The following FAM169A variants were observed in gnomAD, a reference collection of about 807,000 sequenced individuals.
The protein encoded by FAM169A is soluble lamin-associated protein of 75 kDa.
In FAM169A, 24 loss-of-function variants were observed where a neutral mutation model predicts 75.7. That is an observed-to-expected ratio of 0.32 (90% confidence interval 0.23 to 0.45). FAM169A has a LOEUF of 0.45. Ranked by LOEUF, FAM169A falls within the 20% of genes least tolerant of loss-of-function variation. FAM169A has a pLI of 1.00. For synonymous variants in FAM169A, 271 were observed against 271.0 expected (o/e 1.00, Z 0.00); for missense variants, 673 against 784.0 (o/e 0.86, Z 1.69).
intron 3 of FAM169A, 56 bp downstream of exon 3, chr5:74,840,018 T>A: frequency 4.5e-6 from 4 of 897,386 alleles, no homozygotes; most frequent in Non-Finnish European, 7.0e-6. Context: ...TTTAAATAAA[T>A]TTCTAACAGT....
Position 74,834,512 on chromosome 5 carries a change from G to T in FAM169A, c.404C>A (p.Pro135Gln). The change falls in exon 5 of 13, where the codon CCA (proline) becomes CAA (glutamine). Residue 135 changes from proline (P) to glutamine (Q), a missense_variant. Around this residue, in one of 3 missense-constraint regions of FAM169A, gnomAD observed 107 missense variants for 180.8 expected, o/e 0.59. Coordinates refer to ENST00000687041, the MANE Select transcript of FAM169A (RefSeq NM_001376049.1). ...RKQEMERNEI[P>Q]FLCHSSTDYA... ...ATCAGTACTGCTATGACACAGGAAT[G>T]GGATCTCATTTCTCTCCATTTCCTG... 2 of 1,603,054 alleles carry T rather than the reference G, an allele frequency of 1.2e-6. No individual in the cohort carries two copies. Among genetic ancestry groups the T allele is most frequent in the Non-Finnish European group, 1.7e-6 (2 of 1,175,016 alleles).
intron 1 of FAM169A, among the ~76,000 whole-genome samples, chr5:74,856,198 T>C (rs1347202321): frequency 6.6e-6 from 1 of 152,246 alleles, no homozygotes; most frequent in Non-Finnish European, 1.5e-5. Context: ...TGTAGTATAA[T>C]CTGAGGTCAG....
At chr5:74,813,048 G>C (rs1461731928) in intron 6 of FAM169A, among the ~76,000 whole-genome samples, 3 of 152,188 alleles carry the variant, frequency 2.0e-5, no homozygotes, top group African/African-American at 7.2e-5. Context: ...CATGCTAAGT[G>C]AAAGAAGCCA....
chr5:74,837,878 GA>G (rs1438780357), intron 4 of FAM169A, among the ~76,000 whole-genome samples: 2 of 152,028 alleles, frequency 1.3e-5, no homozygotes, highest in Non-Finnish European at 2.9e-5. Flanking sequence ...AGCACTTTGG[GA>G]GGCTGAGGCG....
chr5:74,855,654 T>C (rs577480030), intron 1 of FAM169A, among the ~76,000 whole-genome samples: 28 of 152,358 alleles, frequency 1.8e-4, no homozygotes, highest in African/African-American at 6.7e-4. Flanking sequence ...AACTATTGAG[T>C]TGTCTGAGTT....
chr5:74,801,342 G>A (rs1056712174), intron 9 of FAM169A, among the ~76,000 whole-genome samples: 4 of 152,014 alleles, frequency 2.6e-5, no homozygotes, highest in Admixed American at 6.6e-5. Flanking sequence ...AATAAACAAC[G>A]TAGACATTAC....
Position 74,805,217 on chromosome 5 carries a change from T to C in FAM169A, c.738A>G (p.Gly246=). The part of the protein sequence containing the change: ...HELLWEVEGV[G]HWYQRIPVTR... ...TGACTGGTATTCGCTGGTACCAGTG[T>C]CCAACACCTTCAACTTCCCAAAGGA... The change falls in exon 7 of 13, where the codon GGA becomes GGG. Residue 246 remains glycine, a synonymous_variant. Transcript: ENST00000687041. 1 of 1,612,736 alleles carries C rather than the reference T, an allele frequency of 6.2e-7. No homozygotes were observed. Among genetic ancestry groups the C allele is most frequent in the Non-Finnish European group, 8.5e-7 (1 of 1,178,770 alleles).
intron 11 of FAM169A, among the ~76,000 whole-genome samples, chr5:74,785,183 G>C (rs921894841): frequency 6.6e-6 from 1 of 152,040 alleles, no homozygotes; most frequent in Non-Finnish European, 1.5e-5. Flanking sequence ...GCTGGGCATG[G>C]TGGCAGGCGC....
chr5:74,838,305 C>T (rs1222385320), intron 4 of FAM169A, among the ~76,000 whole-genome samples: 1 of 152,184 alleles, frequency 6.6e-6, no homozygotes, highest in Admixed American at 6.5e-5. Context: ...TATTATAAAT[C>T]TCACTCTTCC....
At chr5:74,853,329 T>C (rs1319196108) in intron 1 of FAM169A, among the ~76,000 whole-genome samples, 2 of 152,202 alleles carry the variant, frequency 1.3e-5, no homozygotes, top group African/African-American at 4.8e-5. Flanking sequence ...GCACCTCGCA[T>C]TGTGTTGAAA....
chr5:74,852,169 G>A (rs1346458785), intron 1 of FAM169A, among the ~76,000 whole-genome samples: 1 of 152,164 alleles, frequency 6.6e-6, no homozygotes, highest in African/African-American at 2.4e-5. Context: ...AAACTCCCTA[G>A]TATTTTCACT....
intron 11 of FAM169A, among the ~76,000 whole-genome samples, chr5:74,784,733 A>G (rs1039486460): frequency 6.6e-6 from 1 of 150,708 alleles, no homozygotes; most frequent in Non-Finnish European, 1.5e-5. Flanking sequence ...CCTGGCTAAC[A>G]TGGTGAAACT....
At chr5:74,824,675 C>T (rs1251727636) in intron 5 of FAM169A, among the ~76,000 whole-genome samples, 2 of 147,790 alleles carry the variant, frequency 1.4e-5, no homozygotes, top group Non-Finnish European at 3.0e-5. Context: ...AAAAAAAAAG[C>T]AGCTCTGTGA....
intron 9 of FAM169A, 131 bp downstream of exon 9, chr5:74,801,459 A>G (rs1349921660): frequency 4.0e-6 from 3 of 751,080 alleles, no homozygotes. Context: ...ACCCAGATCT[A>G]GATTTTAGAG....
intron 5 of FAM169A, among the ~76,000 whole-genome samples, chr5:74,831,355 T>C (rs1274628916): frequency 6.6e-6 from 1 of 152,204 alleles, no homozygotes; most frequent in Non-Finnish European, 1.5e-5. Flanking sequence ...AAAGAATAGA[T>C]TGACTTGTCT....
chr5:74,794,778 CAAA>C (rs980861741), intron 11 of FAM169A, among the ~76,000 whole-genome samples: 6 of 65,754 alleles, frequency 9.1e-5, no homozygotes, highest in Non-Finnish European at 6.7e-5. Flanking sequence ...AACTCCGTCT[CAAA>C]AAAAAAAAAA....
chr5:74,857,571 G>GAAAAAA lies in FAM169A; in HGVS notation c.-4+8593_-4+8594insTTTTTT, dbSNP rs1561328873. On this transcript the variant is annotated intron_variant, in intron 1 of 12. Transcript: ENST00000687041. ...GGTGACAGAGCCAGACCTTGCCGCG[G>GAAAAAA]GAAAAAAAAAAAAAAAAAAAAAAAA... Among the ~76,000 whole-genome samples, 78 of 65,726 alleles carry GAAAAAA rather than the reference G, an allele frequency of 1.2e-3. 9 individuals carry two copies. The highest frequency in any genetic ancestry group is 3.8e-3 in the African/African-American group (61 of 15,898). 43.1% of individuals were successfully genotyped at this position (65,726 alleles called of 152,430 possible). A position where few individuals can be genotyped will look rare whatever the true frequency, so the allele number is the denominator to read the frequency against.
intron 10 of FAM169A, among the ~76,000 whole-genome samples, chr5:74,800,594 C>T (rs1746521949): frequency 6.6e-6 from 1 of 152,006 alleles, no homozygotes; most frequent in Non-Finnish European, 1.5e-5. Context: ...CAACACTTAG[C>T]ACTGATAAAC....
At chr5:74,846,340 C>G (rs1749154502) in intron 1 of FAM169A, among the ~76,000 whole-genome samples, 1 of 152,144 alleles carries the variant, frequency 6.6e-6, no homozygotes, top group Non-Finnish European at 1.5e-5. Flanking sequence ...TTGAAGACTG[C>G]TGCCAGAAAC....
Sources: gnomAD v4.1 joint callset for allele counts (sites outside exome capture counted in the v4.1 genomes callset) on GRCh38, gnomAD v4.1.1 for gene constraint, gnomAD v4.1.1 regional missense constraint, MANE v1.5 for transcripts, NCBI Gene and HGNC (gene_info 2026-07-23, HGNC 2026-07-21) for gene names.